SLC38A6: variants seen among roughly 807,000 people sequenced by gnomAD.
SLC38A6 encodes the protein N system amino acid transporter NAT-1.
In SLC38A6, 73 loss-of-function variants were observed where a neutral mutation model predicts 65.0. The ratio of observed to expected loss-of-function variants is 1.12; its 90% CI spans 0.93 to 1.37. SLC38A6 has a LOEUF of 1.37. SLC38A6 is among the 40% of genes most tolerant of loss of function. The pLI, the probability that SLC38A6 is intolerant of heterozygous loss-of-function variation, is 0.00. For missense variants in SLC38A6, 561 were observed against 531.1 expected (o/e 1.06, Z -0.55); for synonymous variants, 183 against 178.8 (o/e 1.02, Z -0.19).
At chr14:61,053,134 T>A (rs2042591578), downstream of SLC38A6, 1 of 152,120 alleles carries the variant, frequency 6.6e-6, no homozygotes, top group African/African-American at 2.4e-5. Flanking sequence ...AATATATGGT[T>A]TTCTTTTCCT....
chr14:61,023,582 A>T (rs2040452061), intron 5 of SLC38A6, among the ~76,000 whole-genome samples: 2 of 18,936 alleles, frequency 1.1e-4, no homozygotes, highest in South Asian at 1.3e-3. Context: ...TAATAATAAT[A>T]ATAATAATAT....
At chr14:61,014,804 G>C (rs750388090) in intron 3 of SLC38A6, among the ~76,000 whole-genome samples, 1 of 152,190 alleles carries the variant, frequency 6.6e-6, no homozygotes, top group Non-Finnish European at 1.5e-5. Flanking sequence ...ACAGGGGGGT[G>C]CCTCCCAGTT....
At chr14:60,981,934 T>C (rs1270436395) in intron 1 of SLC38A6, among the ~76,000 whole-genome samples, 1 of 152,202 alleles carries the variant, frequency 6.6e-6, no homozygotes, top group African/African-American at 2.4e-5. Flanking sequence ...TTCCCAGGAC[T>C]TTGTTCCCGG....
At chr14:61,067,517 A>G (rs17256184) in intron 15 of SLC38A6, among the ~76,000 whole-genome samples, 41,115 of 152,072 alleles carry the variant, frequency 0.27, 5,709 homozygotes, top group Middle Eastern at 0.3. Context: ...TTGTAGTTTC[A>G]TAGTAAATAT....
At chr14:60,990,776 G>A (rs1336920398) in intron 3 of SLC38A6, among the ~76,000 whole-genome samples, 4 of 152,012 alleles carry the variant, frequency 2.6e-5, no homozygotes, top group Non-Finnish European at 5.9e-5. Context: ...CACCATGCAC[G>A]TCACCACACC....
chr14:61,052,417 G>A lies in SLC38A6; in HGVS notation c.1359G>A (p.Trp453Ter), dbSNP rs1364207049. ...NFSLALIIFD[W>*]INK ...GTTTAGCACTCATCATTTTTGATTG[G>A]ATTAATAAATAAAAGAAATATTTTC... Residue 453 changes from tryptophan to a stop codon, truncating the protein, a stop_gained, in exon 16 of 16, where the codon TGG (tryptophan) becomes TGA (stop). Coordinates refer to ENST00000267488, the MANE Select transcript of SLC38A6 (RefSeq NM_153811.3). LOFTEE classifies it high-confidence loss of function. 3 of 1,557,652 alleles carry A rather than the reference G, an allele frequency of 1.9e-6. No individual in the cohort carries two copies. Among genetic ancestry groups the A allele is most frequent in the African/African-American group, 1.4e-5 (1 of 71,564 alleles).
At chr14:61,012,363 G>T (rs957445108) in intron 3 of SLC38A6, among the ~76,000 whole-genome samples, 1 of 152,028 alleles carries the variant, frequency 6.6e-6, no homozygotes, top group Non-Finnish European at 1.5e-5. Flanking sequence ...TTTTTGCAGG[G>T]TTTTTTGTGT....
At chr14:61,055,373 T>C (rs2042681149), downstream of SLC38A6, among the ~76,000 whole-genome samples, 1 of 19,224 alleles carries the variant, frequency 5.2e-5, no homozygotes, top group Non-Finnish European at 1.2e-4. Context: ...CGGTGTTTGG[T>C]TTTTTGTTCT....
intron 3 of SLC38A6, among the ~76,000 whole-genome samples, chr14:61,014,875 G>T (rs2039875268): frequency 6.6e-6 from 1 of 152,190 alleles, no homozygotes; most frequent in Non-Finnish European, 1.5e-5. Context: ...CAGATCTCCA[G>T]CTGCGTGCTG....
chr14:61,027,764 A>G (rs1486210413), intron 5 of SLC38A6, among the ~76,000 whole-genome samples: 1 of 151,814 alleles, frequency 6.6e-6, no homozygotes, highest in Admixed American at 6.6e-5. Context: ...CTTACATGAA[A>G]GTTTACTTGT....
intron 4 of SLC38A6, among the ~76,000 whole-genome samples, chr14:61,017,785 A>G (rs2040107352): frequency 6.6e-6 from 1 of 152,220 alleles, no homozygotes; most frequent in Non-Finnish European, 1.5e-5. Context: ...AGTTCATAGT[A>G]GGCAGGAACA....
intron 3 of SLC38A6, among the ~76,000 whole-genome samples, chr14:60,990,088 G>A (rs1053010141): frequency 1.2e-4 from 18 of 151,418 alleles, no homozygotes; most frequent in Non-Finnish European, 8.8e-5. Context: ...GGAATGCAAT[G>A]GTGTGATTTT....
At chr14:60,984,586 T>C (rs551000722) in intron 2 of SLC38A6, 144 bp from the exon 3 acceptor site, 15 of 535,296 alleles carry the variant, frequency 2.8e-5, no homozygotes, top group African/African-American at 2.6e-4. Context: ...AGTATCTTCT[T>C]AATTTCCTTA....
intron 12 of SLC38A6, among the ~76,000 whole-genome samples, chr14:61,047,535 A>G (rs1438715343): frequency 6.6e-6 from 1 of 152,120 alleles, no homozygotes; most frequent in East Asian, 1.9e-4. Context: ...TCCAAAGCCA[A>G]TGCCTTTATT....
chr14:61,010,101 G>A (rs923325510), intron 3 of SLC38A6, among the ~76,000 whole-genome samples: 1 of 152,194 alleles, frequency 6.6e-6, no homozygotes, highest in African/African-American at 2.4e-5. Flanking sequence ...GTATCTCACT[G>A]TGGTTTTGAT....
chr14:61,012,887 A>G (rs575771368), intron 3 of SLC38A6, among the ~76,000 whole-genome samples: 15 of 152,132 alleles, frequency 9.9e-5, no homozygotes, highest in African/African-American at 3.4e-4. Context: ...AGTTCTGTAG[A>G]TGTCTATTAG....
intron 6 of SLC38A6, among the ~76,000 whole-genome samples, chr14:61,035,830 A>T (rs948842683): frequency 6.6e-6 from 1 of 152,166 alleles, no homozygotes; most frequent in Non-Finnish European, 1.5e-5. Flanking sequence ...ACTTTTAAAA[A>T]TGTCTACATA....
intron 15 of SLC38A6, among the ~76,000 whole-genome samples, chr14:61,063,054 C>A (rs2042907847): frequency 6.6e-6 from 1 of 152,136 alleles, no homozygotes; most frequent in Non-Finnish European, 1.5e-5. Flanking sequence ...ATTCTCTTAA[C>A]AGTGTCTTTC....
chr14:61,019,132 T>C (rs1471125395), intron 4 of SLC38A6, among the ~76,000 whole-genome samples: 1 of 152,200 alleles, frequency 6.6e-6, no homozygotes, highest in African/African-American at 2.4e-5. Context: ...TATCATTTCC[T>C]TTTAGGCAAT....
Sources: allele counts gnomAD v4.1 joint callset (sites outside exome capture counted in the v4.1 genomes callset), GRCh38; gene constraint gnomAD v4.1.1; transcripts MANE v1.5; gene names NCBI Gene and HGNC (gene_info 2026-07-23, HGNC 2026-07-21).